Variants in LRRC27 observed in about 807,000 individuals in gnomAD.
LRRC27 encodes leucine-rich repeat-containing protein 27.
In LRRC27, 57 loss-of-function variants were observed where a neutral mutation model predicts 55.0. That is an observed-to-expected ratio of 1.04 (90% CI 0.84 to 1.29). The LOEUF (loss-of-function observed/expected upper bound fraction) is 1.29, where lower values mean the gene tolerates loss of function less well. Among genes scored for constraint, LRRC27 ranks in the 50% most tolerant of loss-of-function variants. The pLI is 0.00. For synonymous variants in LRRC27, 278 were observed against 251.9 expected (o/e 1.10, Z -0.98); for missense variants, 721 against 651.5 (o/e 1.11, Z -1.16).
chr10:132,364,907 G>T (rs1385844592), intron 9 of LRRC27, among the ~76,000 whole-genome samples: 1 of 57,366 alleles, frequency 1.7e-5, no homozygotes, highest in South Asian at 5.9e-4. Flanking sequence ...ACCTGCAGCA[G>T]ATCCCCAGCT....
chr10:132,336,200 T>G (rs528695867), intron 2 of LRRC27, among the ~76,000 whole-genome samples: 1 of 151,362 alleles, frequency 6.6e-6, no homozygotes, highest in Non-Finnish European at 1.5e-5. Flanking sequence ...AGCTGAGCAC[T>G]GGAATCAGCT....
intron 9 of LRRC27, among the ~76,000 whole-genome samples, chr10:132,363,400 C>T (rs73385074): frequency 0.013 from 2,033 of 152,314 alleles, 45 homozygotes; most frequent in African/African-American, 0.046. Context: ...TAGTCGCCTC[C>T]ACCTCCTCTG....
chr10:132,355,225 A>G (rs959329112), intron 7 of LRRC27, among the ~76,000 whole-genome samples: 3 of 152,096 alleles, frequency 2.0e-5, no homozygotes, highest in African/African-American at 4.8e-5. Flanking sequence ...AGAGGCGCCC[A>G]CCACTACACC....
At chr10:132,332,120 T>G (rs920186951), upstream of LRRC27, 2 of 182,282 alleles carry the variant, frequency 1.1e-5, no homozygotes, top group African/African-American at 2.4e-5. Flanking sequence ...ACAGACACAC[T>G]CGCGCTCAGC....
intron 10 of LRRC27, 54 bp from the exon 11 acceptor site, chr10:132,375,012 C>T (rs952539662): frequency 2.1e-5 from 32 of 1,531,740 alleles, no homozygotes; most frequent in East Asian, 6.9e-5. Context: ...GACGTGGTGA[C>T]GCCCTAAGTC....
intron 7 of LRRC27, among the ~76,000 whole-genome samples, chr10:132,352,441 G>A: frequency 1.2e-5 from 1 of 86,140 alleles, no homozygotes; most frequent in Non-Finnish European, 2.4e-5. Context: ...AGGCGCAGGT[G>A]CAGCGCTCCG....
intron 3 of LRRC27, among the ~76,000 whole-genome samples, chr10:132,338,784 A>G (rs1473203814): frequency 1.4e-5 from 2 of 142,810 alleles, no homozygotes; most frequent in Non-Finnish European, 3.0e-5. Flanking sequence ...ATCTCGGCTC[A>G]CTGCAACCTC....
In LRRC27 at chr10:132,351,716, C is replaced by G; in HGVS notation, c.1036C>G (p.Leu346Val). Residue 346 changes from leucine (L) to valine (V), a missense_variant, in exon 7 of 11, where the codon CTC becomes GTC. Leu to Val is a conservative substitution (Grantham distance 32, BLOSUM62 1). Transcript: ENST00000368614. ...GAGCCGAGCGGCGGCGCTCCGAGAG[C>G]TCCAGGAGAAGCAGGCTCTGATGGA... is the stretch of plus-strand genomic sequence containing the variant. ...EESRAAALRELQEKQALMEQQ... is the reference protein window; with the variant it reads ...EESRAAALREVQEKQALMEQQ... 1.2e-6 allele frequency: 2 copies of G among 1,613,552 alleles called. No individual in the cohort carries two copies. Among genetic ancestry groups the G allele is most frequent in the Non-Finnish European group, 1.7e-6 (2 of 1,179,920 alleles).
At chr10:132,361,726 T>C (rs1464311513) in intron 9 of LRRC27, 151 bp downstream of exon 9, 5 of 635,986 alleles carry the variant, frequency 7.9e-6, no homozygotes, top group Non-Finnish European at 1.1e-5. Flanking sequence ...CAGGCTGTGG[T>C]GGGCTCCAGG....
At chr10:132,331,593 C>T, upstream of LRRC27, 1 of 1,612,918 alleles carries the variant, frequency 6.2e-7, no homozygotes, top group African/African-American at 1.3e-5. Flanking sequence ...CCAGGAGAGA[C>T]GCGGGGAGTG....
intron 2 of LRRC27, among the ~76,000 whole-genome samples, chr10:132,335,853 C>T (rs796986044): frequency 4.1e-4 from 63 of 152,274 alleles, no homozygotes; most frequent in African/African-American, 1.4e-3. Context: ...CTGATAAGAA[C>T]GGACAAAACG....
intron 4 of LRRC27, among the ~76,000 whole-genome samples, chr10:132,342,907 A>G (rs2067485615): frequency 6.6e-6 from 1 of 152,232 alleles, no homozygotes; most frequent in Admixed American, 6.5e-5. Context: ...TGTAGACAGT[A>G]TAAAAACAGA....
At chr10:132,367,142 A>T in intron 10 of LRRC27, 2 of 306,830 alleles carry the variant, frequency 6.5e-6, no homozygotes, top group East Asian at 1.7e-4. Flanking sequence ...CTAGCCACAG[A>T]TTTGATAAAT....
Position 132,363,394 on chromosome 10 carries a change from C to T in LRRC27, c.1289+1819C>T, listed in dbSNP as rs544787667. 7.9e-5 allele frequency among the ~76,000 whole-genome samples: 12 copies of T among 152,320 alleles called. No homozygotes were observed. The South Asian group carries it at 8.3e-4, about 11-fold the overall frequency. The stretch of plus-strand genomic sequence containing the variant: ...GGGGATGATCACTGGGCTCCCTAGT[C>T]GCCTCCACCTCCTCTGAGCCGTGTA... On this transcript the variant is annotated intron_variant, in intron 9 of 10. Transcript: ENST00000368614.
intron 5 of LRRC27, among the ~76,000 whole-genome samples, chr10:132,345,401 G>A (rs1055433995): frequency 1.3e-5 from 2 of 152,190 alleles, no homozygotes; most frequent in African/African-American, 4.8e-5. Context: ...CGTAAATAAC[G>A]TGTGGCCTTG....
intron 3 of LRRC27, among the ~76,000 whole-genome samples, chr10:132,338,774 A>G (rs549887702): frequency 4.3e-5 from 6 of 139,306 alleles, no homozygotes; most frequent in Non-Finnish European, 7.5e-5. Context: ...CAGTGGCGTG[A>G]TCTCGGCTCA....
chr10:132,364,693 C>CTTACATCT (rs2068936474), intron 9 of LRRC27, among the ~76,000 whole-genome samples: 1 of 121,682 alleles, frequency 8.2e-6, no homozygotes, highest in African/African-American at 3.0e-5. Flanking sequence ...CCCACGTCCA[C>CTTACATCT]ACCGTGGGGC....
Position 132,361,697 on chromosome 10 carries a change from CCCAGGCTGTGGCGGGCT to C in LRRC27, c.1289+134_1289+150del, listed in dbSNP as rs1239346629. The stretch of plus-strand genomic sequence containing the variant: ...CCTGAAACTCCAGGCTGTGGCGGGC[CCCAGGCTGTGGCGGGCT>C]CCAGGCTGTGGTGGGCTCCAGGGAG... On this transcript the variant is annotated intron_variant, in intron 9 of 10. Coordinates refer to ENST00000368614, the MANE Select transcript of LRRC27 (RefSeq NM_030626.3). 482 of 749,898 alleles carry C rather than the reference CCCAGGCTGTGGCGGGCT, an allele frequency of 6.4e-4. 5 individuals are homozygous for C. The East Asian group carries it at 0.012, about 19-fold the overall frequency. 46.5% of individuals were successfully genotyped at this position (749,898 alleles called of 1,614,324 possible). A position where few individuals can be genotyped will look rare whatever the true frequency, so the allele number is the denominator to read the frequency against.
chr10:132,344,031 T>C (rs568300783), intron 4 of LRRC27, among the ~76,000 whole-genome samples: 1 of 152,262 alleles, frequency 6.6e-6, no homozygotes, highest in African/African-American at 2.4e-5. Flanking sequence ...AACACAATTT[T>C]CTTCATTTGC....
Sources: allele counts gnomAD v4.1 joint callset (sites outside exome capture counted in the v4.1 genomes callset), GRCh38; gene constraint gnomAD v4.1.1; transcripts MANE v1.5; gene names NCBI Gene and HGNC (gene_info 2026-07-23, HGNC 2026-07-21).